AFP: variants seen among roughly 807,000 people sequenced by gnomAD.
The protein encoded by AFP is alpha-fetoprotein.
A neutral mutation model predicts 78.9 loss-of-function variants in AFP; 64 were observed. That is an observed-to-expected ratio of 0.81 (90% CI 0.66 to 1.00). AFP has a LOEUF of 1.00. Among genes scored for constraint, AFP ranks in the 50% least tolerant of loss-of-function variants. AFP has a pLI of 0.00. For synonymous variants in AFP, 254 were observed against 243.8 expected (o/e 1.04, Z -0.39); for missense variants, 689 against 703.8 (o/e 0.98, Z 0.24).
chr4:73,442,534 T>C (rs1719700424), intron 5 of AFP, 106 bp downstream of exon 5: 1 of 1,370,198 alleles, frequency 7.3e-7, no homozygotes, highest in Admixed American at 1.7e-5. Context: ...AGTATCGTTT[T>C]TGGAATAGAG....
rs759148580 is a variant in AFP, at chr4:73,455,729, C to A, written c.*109C>A. On this transcript the variant is annotated 3_prime_UTR_variant, in exon 15 of 15. Coordinates refer to ENST00000395792, the MANE Select transcript of AFP (RefSeq NM_001134.3). ...TTGTGAATTAATGAAATGATAAAGA[C>A]TTTTATGTGAGATTTCCTTATCACA... 4.5e-6 allele frequency: 3 copies of A among 666,704 alleles called. No individual in the cohort carries two copies. The highest frequency in any genetic ancestry group is 1.7e-5 in the South Asian group (1 of 60,170). 41.3% of individuals were successfully genotyped at this position (666,704 alleles called of 1,614,324 possible). A position where few individuals can be genotyped will look rare whatever the true frequency, so the allele number is the denominator to read the frequency against.
chr4:73,450,380 C>G (rs2149336249), intron 10 of AFP, among the ~76,000 whole-genome samples: 1 of 152,332 alleles, frequency 6.6e-6, no homozygotes, highest in South Asian at 2.1e-4. Flanking sequence ...GAATACAAGT[C>G]AGGCTTCCTC....
chr4:73,452,706 C>A, intron 12 of AFP, 82 bp downstream of exon 12: 1 of 1,103,342 alleles, frequency 9.1e-7, no homozygotes, highest in Non-Finnish European at 1.3e-6. Context: ...TCACCTAACA[C>A]TATTGGGCTC....
intron 11 of AFP, among the ~76,000 whole-genome samples, 186 bp from the exon 12 acceptor site, chr4:73,452,215 A>G (rs548193587): frequency 1.9e-4 from 29 of 152,342 alleles, no homozygotes; most frequent in Non-Finnish European, 3.5e-4. Context: ...GGCTTAGCCC[A>G]AACAAATGGG....
chr4:73,455,032 A>G (rs1399713300), intron 13 of AFP, among the ~76,000 whole-genome samples: 2 of 152,202 alleles, frequency 1.3e-5, no homozygotes, highest in African/African-American at 2.4e-5. Flanking sequence ...AGATTGTTAT[A>G]GAAGAAAACT....
In AFP at chr4:73,449,277, T is replaced by G. The variant is rs1577957588; in HGVS notation, c.1059-58T>G. The G allele has an allele frequency of 2.0e-6, 3 of 1,499,420 alleles. No homozygotes were observed. The South Asian group carries it at 3.5e-5, about 17-fold the overall frequency. The allele number at this position is 1,499,420 out of a possible 1,614,324, so 92.9% of individuals were successfully genotyped here. A position where few individuals can be genotyped will look rare whatever the true frequency, so the allele number is the denominator to read the frequency against. ...TATATAGGAATAACTGGAGAAGTGA[T>G]GGCTCCTTTTGTCTCTTAGTTCCAA... On this transcript the variant is annotated intron_variant, in intron 8 of 14. Transcript: ENST00000395792.
chr4:73,446,939 G>A (rs1223476289), intron 7 of AFP, among the ~76,000 whole-genome samples: 4 of 152,152 alleles, frequency 2.6e-5, no homozygotes, highest in Non-Finnish European at 4.4e-5. Context: ...GCACTAAAAC[G>A]GGAGACAAGT....
In AFP at chr4:73,452,661, A is replaced by G. The variant is rs773600620; in HGVS notation, c.1652+37A>G. Reference sequence around the variant, plus strand: ...TTACTTGCTAGCATGGAAAAGAATGACAACCCCAAAGAGTAACTGAGACTT... The same window carrying G: ...TTACTTGCTAGCATGGAAAAGAATGGCAACCCCAAAGAGTAACTGAGACTT... On this transcript the variant is annotated intron_variant, in intron 12 of 14. Coordinates refer to ENST00000395792, the MANE Select transcript of AFP (RefSeq NM_001134.3). 14 of 1,526,096 alleles carry G rather than the reference A, an allele frequency of 9.2e-6. No homozygotes were observed. The East Asian group carries it at 2.5e-4, about 27-fold the overall frequency. 94.5% of individuals were successfully genotyped at this position (1,526,096 alleles called of 1,614,324 possible).
rs745967306 is a variant in AFP, at chr4:73,449,437, T to C, written c.1161T>C (p.Thr387=). ...AGTTATTGGAGAAGTGTTTCCAGACTGAAAACCCTCTTGAATGCCAAGATA... is the reference window on the plus strand; with the variant it reads ...AGTTATTGGAGAAGTGTTTCCAGACCGAAAACCCTCTTGAATGCCAAGATA... ...YQELLEKCFQ[T]ENPLECQDKG... Residue 387 remains threonine (T), a synonymous_variant, in exon 9 of 15, where the codon ACT becomes ACC. Transcript: ENST00000395792. The C allele has an allele frequency of 1.9e-6, 3 of 1,613,526 alleles. No individual in the cohort carries two copies. The highest frequency in any genetic ancestry group is 2.7e-5 in the African/African-American group (2 of 74,908).
intron 14 of AFP, 82 bp from the exon 15 acceptor site, chr4:73,455,549 T>A (rs766727503): frequency 1.8e-4 from 118 of 656,402 alleles, no homozygotes; most frequent in Middle Eastern, 3.0e-4. Flanking sequence ...CCAATATTTC[T>A]CTGATATAAA....
chr4:73,444,925 T>C lies in AFP; in HGVS notation c.714-68T>C, dbSNP rs941347684. ...TTTGAAACTTCTACTGTAGTAATACTCTATAAATTCTATTTTATTTTGACA... is the reference window on the plus strand; with the variant it reads ...TTTGAAACTTCTACTGTAGTAATACCCTATAAATTCTATTTTATTTTGACA... On this transcript the variant is annotated intron_variant, in intron 6 of 14. Coordinates refer to ENST00000395792, the MANE Select transcript of AFP (RefSeq NM_001134.3). 11 of 1,359,534 alleles carry C rather than the reference T, an allele frequency of 8.1e-6. No homozygotes were observed. In the African/African-American group the frequency reaches 1.0e-4, roughly 13 times the overall value. 84.2% of individuals were successfully genotyped at this position (1,359,534 alleles called of 1,614,324 possible).
chr4:73,443,492 C>T (rs747870386), intron 6 of AFP, 48 bp downstream of exon 6: 4 of 1,443,880 alleles, frequency 2.8e-6, no homozygotes, highest in Non-Finnish European at 3.9e-6. Flanking sequence ...TACAGAACTA[C>T]CATTTTGCAA....
Position 73,436,296 on chromosome 4 carries a change from C to T in AFP, c.34C>T (p.Leu12=). The change falls in exon 1 of 15, where the codon CTA becomes TTA. Residue 12 remains leucine, a synonymous_variant. Coordinates refer to ENST00000395792, the MANE Select transcript of AFP (RefSeq NM_001134.3). The part of the protein sequence containing the change: ...KWVESIFLIF[L]LNFTESRTLH... Reference sequence around the variant, plus strand: ...GGTGGAATCAATTTTTTTAATTTTCCTACTAAATTTTACTGAATCCAGAAC... The same window carrying T: ...GGTGGAATCAATTTTTTTAATTTTCTTACTAAATTTTACTGAATCCAGAAC... The T allele has an allele frequency of 1.9e-6, 3 of 1,603,818 alleles. No individual in the cohort carries two copies. Among genetic ancestry groups the T allele is most frequent in the South Asian group, 1.1e-5 (1 of 90,340 alleles).
intron 7 of AFP, among the ~76,000 whole-genome samples, chr4:73,447,237 T>C (rs1719856212): frequency 6.6e-6 from 1 of 152,040 alleles, no homozygotes; most frequent in Non-Finnish European, 1.5e-5. Flanking sequence ...CATTCACACA[T>C]TGTTTGCACT....
chr4:73,452,480 C>A lies in AFP; in HGVS notation c.1508C>A (p.Ser503Tyr). ...VNPGVGQCCT[S>Y]SYANRRPCFS... Reference sequence around the variant, plus strand: ...CCTGGTGTTGGCCAGTGCTGCACTTCTTCATATGCCAACAGGAGGCCATGC... The same window carrying A: ...CCTGGTGTTGGCCAGTGCTGCACTTATTCATATGCCAACAGGAGGCCATGC... The change falls in exon 12 of 15, where the codon TCT becomes TAT. Residue 503 changes from serine (S) to tyrosine (Y), a missense_variant. Coordinates refer to ENST00000395792, the MANE Select transcript of AFP (RefSeq NM_001134.3). 6.2e-7 allele frequency: 1 copy of A among 1,614,108 alleles called. No individual in the cohort carries two copies. The highest frequency in any genetic ancestry group is 8.5e-7 in the Non-Finnish European group (1 of 1,179,994).
intron 4 of AFP, 96 bp downstream of exon 4, chr4:73,440,909 AAG>A (rs1213105189): frequency 7.0e-6 from 8 of 1,141,460 alleles, no homozygotes; most frequent in African/African-American, 6.2e-5. Flanking sequence ...TACTCCCAGT[AAG>A]AGGTATAATG....
intron 2 of AFP, among the ~76,000 whole-genome samples, chr4:73,437,891 A>G (rs1189612824): frequency 3.9e-5 from 6 of 152,030 alleles, no homozygotes; most frequent in Non-Finnish European, 5.9e-5. Context: ...GGTACATTAC[A>G]GTAGATGGAT....
rs926524939 is a variant in AFP, at chr4:73,442,441, C to T, written c.615+13C>T. 2.5e-6 allele frequency: 4 copies of T among 1,613,592 alleles called. No individual in the cohort carries two copies. Among genetic ancestry groups the T allele is most frequent in the African/African-American group, 1.3e-5 (1 of 74,996 alleles). ...CTTCCAAACAAAGGTATCATATTTGCGTGGATATCTGAACCAGTACTGTAG... is the reference window on the plus strand; with the variant it reads ...CTTCCAAACAAAGGTATCATATTTGTGTGGATATCTGAACCAGTACTGTAG... On this transcript the variant is annotated intron_variant, in intron 5 of 14. Coordinates refer to ENST00000395792, the MANE Select transcript of AFP (RefSeq NM_001134.3).
At chr4:73,439,881 A>G (rs964680369) in intron 3 of AFP, among the ~76,000 whole-genome samples, 3 of 152,030 alleles carry the variant, frequency 2.0e-5, no homozygotes, top group African/African-American at 7.3e-5. Flanking sequence ...TCTTGTAAGG[A>G]TGGCATGTAA....
Sources: allele counts gnomAD v4.1 joint callset (sites outside exome capture counted in the v4.1 genomes callset), GRCh38; gene constraint gnomAD v4.1.1; transcripts MANE v1.5; gene names NCBI Gene and HGNC (gene_info 2026-07-23, HGNC 2026-07-21).